The following SUMF1 variants were observed in gnomAD, a reference collection of about 807,000 sequenced individuals.
SUMF1 encodes formylglycine-generating enzyme.
SUMF1 carries 48 observed loss-of-function variants against 47.6 expected under a neutral mutation model. The ratio of observed to expected loss-of-function variants is 1.01; its 90% confidence interval spans 0.80 to 1.28. The LOEUF (loss-of-function observed/expected upper bound fraction) is 1.28, where lower values mean the gene tolerates loss of function less well. SUMF1 is among the 50% of genes most tolerant of loss of function. The pLI is 0.00. For missense variants in SUMF1, 571 were observed against 485.4 expected, an observed-to-expected ratio of 1.18 and a Z score of -1.66; for synonymous variants, 230 against 192.1, an observed-to-expected ratio of 1.20 and a Z score of -1.63.
chr3:4,259,080 A>C (rs1316464803), intron 8 of SUMF1, among the ~76,000 whole-genome samples: 1 of 137,998 alleles, frequency 7.2e-6, no homozygotes, highest in Admixed American at 8.1e-5. Context: ...ACATGGACCC[A>C]GGAAGGGGGA....
chr3:4,221,986 AG>A (rs1409234412), intron 8 of SUMF1, among the ~76,000 whole-genome samples: 1 of 152,038 alleles, frequency 6.6e-6, no homozygotes, highest in Non-Finnish European at 1.5e-5. Context: ...TGAGAAAAAA[AG>A]CAATTTTCAT....
At chr3:4,300,694 A>G (rs569443955) in intron 8 of SUMF1, among the ~76,000 whole-genome samples, 1 of 152,350 alleles carries the variant, frequency 6.6e-6, no homozygotes, top group East Asian at 1.9e-4. Context: ...AAGTCACTAA[A>G]AAATGTTTTG....
intron 3 of SUMF1, among the ~76,000 whole-genome samples, chr3:4,439,732 T>A (rs1702517660): frequency 6.7e-6 from 1 of 149,790 alleles, no homozygotes; most frequent in East Asian, 1.9e-4. Flanking sequence ...TAATTTTTAT[T>A]TTTTTTTTAA....
intron 7 of SUMF1, among the ~76,000 whole-genome samples, chr3:4,403,602 C>G (rs1373444442): frequency 6.6e-6 from 1 of 152,008 alleles, no homozygotes; most frequent in Non-Finnish European, 1.5e-5. Flanking sequence ...CTTGTCTGTA[C>G]AAGGCAGAAG....
At chr3:4,042,479 C>G (rs998380603) in intron 9 of SUMF1, among the ~76,000 whole-genome samples, 1 of 152,192 alleles carries the variant, frequency 6.6e-6, no homozygotes, top group African/African-American at 2.4e-5. Flanking sequence ...CCATTACAAA[C>G]TTACACAAAA....
intron 8 of SUMF1, among the ~76,000 whole-genome samples, chr3:4,129,680 G>T (rs139280049): frequency 6.6e-6 from 1 of 152,116 alleles, no homozygotes; most frequent in Non-Finnish European, 1.5e-5. Context: ...ACTGTGCATT[G>T]GGAAAGGGAA....
rs141031122 is a variant in SUMF1, at chr3:4,406,730, A to G, written c.954+4135T>C. Among the ~76,000 whole-genome samples the G allele has an allele frequency of 1.9e-3, 284 of 152,240 alleles. 2 individuals are homozygous for G. Among genetic ancestry groups the G allele is most frequent in the African/African-American group, 6.6e-3 (273 of 41,558 alleles). On this transcript the variant is annotated intron_variant, in intron 7 of 8. Transcript: ENST00000272902. ...GAGAAAAAGAAGCCACCTAAATGCA[A>G]TTGTGTCCCTCACAGAGAGGGAAAG...
downstream of SUMF1, among the ~76,000 whole-genome samples, chr3:4,360,079 T>C (rs1246920248): frequency 6.6e-6 from 1 of 152,010 alleles, no homozygotes; most frequent in Non-Finnish European, 1.5e-5. Context: ...ACACCATAAA[T>C]ATAACAATGT....
At chr3:4,411,850 T>C (rs1246777967) in intron 6 of SUMF1, among the ~76,000 whole-genome samples, 1 of 152,094 alleles carries the variant, frequency 6.6e-6, no homozygotes, top group African/African-American at 2.4e-5. Context: ...GAAAAAAATA[T>C]ATATGTATAT....
intron 8 of SUMF1, among the ~76,000 whole-genome samples, chr3:4,250,099 C>T (rs972782793): frequency 6.0e-4 from 91 of 151,238 alleles, no homozygotes; most frequent in African/African-American, 2.1e-3. Flanking sequence ...ACAAGAATCG[C>T]TTGAACACAG....
chr3:4,351,199 T>C lies in SUMF1; in HGVS notation c.1014+25131A>G, dbSNP rs1052636132. 2.1e-5 allele frequency among the ~76,000 whole-genome samples: 3 copies of C among 145,406 alleles called. No homozygotes were observed. The South Asian group carries it at 6.8e-4, about 33-fold the overall frequency. On this transcript the variant is annotated intron_variant and NMD_transcript_variant, in intron 8 of 12. Transcript: ENST00000448413. The stretch of plus-strand genomic sequence containing the variant: ...AAATATAAAATTACAAATGTGAATA[T>C]GTTTCCCATATTAGTGAGGTCTCCC...
chr3:4,217,521 TA>T (rs1380518061), intron 8 of SUMF1, among the ~76,000 whole-genome samples: 4 of 77,020 alleles, frequency 5.2e-5, no homozygotes, highest in Non-Finnish European at 9.7e-5. Flanking sequence ...TTTTTATATA[TA>T]TATATATATA....
At chr3:4,258,055 C>T (rs1180596759) in intron 8 of SUMF1, among the ~76,000 whole-genome samples, 15 of 151,552 alleles carry the variant, frequency 9.9e-5, no homozygotes, top group Non-Finnish European at 1.9e-4. Context: ...AACTGGCTAG[C>T]CATATGCAGA....
chr3:4,147,110 A>G (rs1694213472), intron 8 of SUMF1, among the ~76,000 whole-genome samples: 1 of 152,132 alleles, frequency 6.6e-6, no homozygotes, highest in Admixed American at 6.6e-5. Context: ...CAAAACCACA[A>G]TGAGATACCA....
chr3:4,338,178 G>A (rs1266276092), intron 8 of SUMF1, among the ~76,000 whole-genome samples: 1 of 152,086 alleles, frequency 6.6e-6, no homozygotes, highest in African/African-American at 2.4e-5. Context: ...AGCAGGCGGA[G>A]GATGGCTTGA....
chr3:4,307,283 G>A (rs1213397339), intron 8 of SUMF1, among the ~76,000 whole-genome samples: 1 of 152,162 alleles, frequency 6.6e-6, no homozygotes, highest in Non-Finnish European at 1.5e-5. Context: ...GCTGCAATCT[G>A]GCAATCGAAA....
At chr3:4,392,593 A>ATG (rs764280676) in intron 7 of SUMF1, among the ~76,000 whole-genome samples, 23,333 of 140,318 alleles carry the variant, frequency 0.17, 2,105 homozygotes, top group Non-Finnish European at 0.22. Context: ...TCAGATATAT[A>ATG]TGTGTGTGTG....
intron 8 of SUMF1, among the ~76,000 whole-genome samples, chr3:4,264,515 T>A (rs1697149879): frequency 6.6e-6 from 1 of 152,190 alleles, no homozygotes; most frequent in Admixed American, 6.5e-5. Context: ...TTTTTTTTTA[T>A]ACACGACAAA....
At chr3:4,051,145 G>GGGA (rs1695104572) in intron 9 of SUMF1, among the ~76,000 whole-genome samples, 1 of 151,388 alleles carries the variant, frequency 6.6e-6, no homozygotes, top group Non-Finnish European at 1.5e-5. Flanking sequence ...AAAAAAGGGT[G>GGGA]GGGAAAGGAA....
Sources: allele counts gnomAD v4.1 joint callset (sites outside exome capture counted in the v4.1 genomes callset), GRCh38; gene constraint gnomAD v4.1.1; transcripts MANE v1.5; gene names NCBI Gene and HGNC (gene_info 2026-07-23, HGNC 2026-07-21).